Variants in CARMIL1 observed in about 807,000 individuals in gnomAD.
CARMIL1 encodes the protein capping protein regulator and myosin 1 linker 1, also known as F-actin-uncapping protein LRRC16A.
In CARMIL1, 90 loss-of-function variants were observed where a neutral mutation model predicts 177.1. The ratio of observed to expected loss-of-function variants is 0.51; its 90% CI spans 0.43 to 0.61. The LOEUF (loss-of-function observed/expected upper bound fraction) is 0.61, where lower values mean the gene tolerates loss of function less well. Among genes scored for constraint, CARMIL1 ranks in the 20% least tolerant of loss-of-function variants. CARMIL1 has a pLI of 0.00. For missense variants in CARMIL1, 1,380 were observed against 1,667.0 expected, an observed-to-expected ratio of 0.83 and a Z score of 3.00; for synonymous variants, 577 against 606.2, an observed-to-expected ratio of 0.95 and a Z score of 0.71.
chr6:25,365,969 A>G (rs181759019), intron 2 of CARMIL1, among the ~76,000 whole-genome samples: 8 of 152,150 alleles, frequency 5.3e-5, no homozygotes, highest in Non-Finnish European at 1.0e-4. Flanking sequence ...CCGCCTAGAC[A>G]TTCTCTTCTT....
At chr6:25,498,389 A>G (rs1413980046) in intron 16 of CARMIL1, among the ~76,000 whole-genome samples, 3 of 152,138 alleles carry the variant, frequency 2.0e-5, no homozygotes, top group Non-Finnish European at 4.4e-5. Flanking sequence ...AGTGCCCAGT[A>G]TGCTTTATTG....
chr6:25,292,610 C>G (rs1028434770), intron 2 of CARMIL1, among the ~76,000 whole-genome samples: 9 of 152,168 alleles, frequency 5.9e-5, no homozygotes, highest in African/African-American at 1.9e-4. Context: ...ACTCTCTCCT[C>G]ATCTGCAACT....
At chr6:25,313,401 C>T (rs560088544) in intron 2 of CARMIL1, among the ~76,000 whole-genome samples, 78 of 152,294 alleles carry the variant, frequency 5.1e-4, no homozygotes, top group Non-Finnish European at 1.0e-3. Flanking sequence ...GGCTGTTTCC[C>T]TGATGCACCT....
At chr6:25,417,212 C>A (rs994540298) in intron 2 of CARMIL1, among the ~76,000 whole-genome samples, 1 of 152,134 alleles carries the variant, frequency 6.6e-6, no homozygotes, top group Non-Finnish European at 1.5e-5. Flanking sequence ...GAGTTCTAAT[C>A]TTGTATTCCG....
At chr6:25,571,616 A>G (rs557966660) in intron 29 of CARMIL1, among the ~76,000 whole-genome samples, 8 of 152,344 alleles carry the variant, frequency 5.3e-5, no homozygotes, top group African/African-American at 1.9e-4. Flanking sequence ...GTACTTTACA[A>G]TGGAGCACAG....
At chr6:25,340,551 G>A (rs1173574733) in intron 2 of CARMIL1, among the ~76,000 whole-genome samples, 2 of 152,120 alleles carry the variant, frequency 1.3e-5, no homozygotes, top group Non-Finnish European at 2.9e-5. Flanking sequence ...TGCCCAGATA[G>A]GCCAATTCAT....
intron 5 of CARMIL1, among the ~76,000 whole-genome samples, chr6:25,440,923 G>A (rs545735111): frequency 6.6e-6 from 1 of 151,924 alleles, no homozygotes; most frequent in Non-Finnish European, 1.5e-5. Flanking sequence ...TCATGAGGAG[G>A]TATTAGGAAC....
At position 25,450,681 on chromosome 6, in the gene CARMIL1, A is replaced by T. The variant is rs1013599737; in HGVS notation, c.584A>T (p.Asn195Ile). 1 of 1,606,980 alleles carries T rather than the reference A, an allele frequency of 6.2e-7. No individual in the cohort carries two copies. Among genetic ancestry groups the T allele is most frequent in the Non-Finnish European group, 8.5e-7 (1 of 1,176,000 alleles). ...IYLTQDTREL[N>I]LQDFSHLDHR... Reference sequence around the variant, plus strand: ...CTTACCCAAGACACCAGGGAATTGAATTTACAAGATTTTAGTCATCTTGAC... The same window carrying T: ...CTTACCCAAGACACCAGGGAATTGATTTTACAAGATTTTAGTCATCTTGAC... The change falls in exon 8 of 37, where the codon AAT becomes ATT. Residue 195 changes from asparagine (N) to isoleucine (I), a missense_variant. By Grantham distance (149) the Asn-to-Ile change is moderately radical. Coordinates refer to ENST00000329474, the MANE Select transcript of CARMIL1 (RefSeq NM_017640.6).
intron 2 of CARMIL1, among the ~76,000 whole-genome samples, chr6:25,314,078 G>T (rs1473680983): frequency 2.0e-5 from 3 of 150,464 alleles, no homozygotes. Flanking sequence ...AAAAAATCCT[G>T]GAGGAAGTCT....
rs3747526 is a variant in CARMIL1, at chr6:25,619,353, C to G, written c.3980-94C>G. On this transcript the variant is annotated intron_variant, in intron 36 of 36. Transcript: ENST00000329474. ...TTCACCCTGGCCCCCTCCCCTCCCCCAAACCTTCAAGGCTACTGCATCTCA... is the reference window on the plus strand; with the variant it reads ...TTCACCCTGGCCCCCTCCCCTCCCCGAAACCTTCAAGGCTACTGCATCTCA... 2.0e-3 allele frequency: 2,624 copies of G among 1,342,486 alleles called. 35 individuals are homozygous for G. In the African/African-American group the frequency reaches 0.03, roughly 15 times the overall value. The allele number at this position is 1,342,486 out of a possible 1,614,324, so 83.2% of individuals were successfully genotyped here.
chr6:25,374,448 T>C (rs1329603777), intron 2 of CARMIL1, among the ~76,000 whole-genome samples: 3 of 152,236 alleles, frequency 2.0e-5, no homozygotes, highest in Non-Finnish European at 4.4e-5. Flanking sequence ...GCCTATCATA[T>C]GATGTGTCTT....
At chr6:25,490,373 G>T (rs149356849) in intron 13 of CARMIL1, among the ~76,000 whole-genome samples, 7 of 152,284 alleles carry the variant, frequency 4.6e-5, no homozygotes, top group African/African-American at 1.7e-4. Context: ...AGAGCAAAAT[G>T]ACTTTTCTGA....
In CARMIL1 at chr6:25,509,305, A is replaced by T. The variant is rs944717439; in HGVS notation, c.1396-351A>T. ...ATAAAACAGTAACTTTCTCATGTAT[A>T]AAATGAATTTATTAAATTTCCAAAA... is the stretch of plus-strand genomic sequence containing the variant. On this transcript the variant is annotated intron_variant, in intron 17 of 36. Coordinates refer to ENST00000329474, the MANE Select transcript of CARMIL1 (RefSeq NM_017640.6). This position sits in a 1 kb window ranked among gnomAD's most constrained non-coding sequence, Gnocchi z 4.1. Among the ~76,000 whole-genome samples, 19 of 152,182 alleles carry T rather than the reference A, an allele frequency of 1.2e-4. No homozygotes were observed. The highest frequency in any genetic ancestry group is 1.8e-4 in the Non-Finnish European group (12 of 68,016).
intron 8 of CARMIL1, among the ~76,000 whole-genome samples, chr6:25,458,463 G>T (rs1175639695): frequency 6.9e-6 from 1 of 143,978 alleles, no homozygotes. Flanking sequence ...TCCAGCCTGG[G>T]TGACAGAGCG....
chr6:25,322,235 G>A (rs1784737634), intron 2 of CARMIL1, among the ~76,000 whole-genome samples: 1 of 152,166 alleles, frequency 6.6e-6, no homozygotes, highest in South Asian at 2.1e-4. Context: ...CAATTCTTGT[G>A]CCTCAGCGTT....
intron 26 of CARMIL1, among the ~76,000 whole-genome samples, chr6:25,544,553 G>A (rs1809240990): frequency 6.7e-6 from 1 of 150,336 alleles, no homozygotes; most frequent in Non-Finnish European, 1.5e-5. Flanking sequence ...TACAAATGAA[G>A]ATGAAAGCAT....
intron 10 of CARMIL1, among the ~76,000 whole-genome samples, chr6:25,471,597 C>T (rs1178654933): frequency 1.3e-5 from 2 of 151,972 alleles, no homozygotes; most frequent in African/African-American, 4.8e-5. Flanking sequence ...AATAATAATG[C>T]CTATTTTATA....
chr6:25,451,986 G>GGGGGGGGGGGC, intron 8 of CARMIL1: 3 of 112,660 alleles, frequency 2.7e-5, no homozygotes. Context: ...CTAGCATCTT[G>GGGGGGGGGGGC]CCCCCCCCTC....
At chr6:25,541,359 C>G (rs1004778830) in intron 26 of CARMIL1, among the ~76,000 whole-genome samples, 1 of 152,042 alleles carries the variant, frequency 6.6e-6, no homozygotes, top group African/African-American at 2.4e-5. Context: ...GGTACAATGT[C>G]ATGAATACAA....
Sources: gnomAD v4.1 joint callset for allele counts (sites outside exome capture counted in the v4.1 genomes callset) on GRCh38, gnomAD v4.1.1 for gene constraint, Gnocchi (gnomAD v3.1) non-coding constraint, MANE v1.5 for transcripts, NCBI Gene and HGNC (gene_info 2026-07-23, HGNC 2026-07-21) for gene names.